The following PGBD4 variants were observed in gnomAD, a reference collection of about 807,000 sequenced individuals.
The protein encoded by PGBD4 is piggyBac transposable element-derived protein 4.
PGBD4 carries 1 observed loss-of-function variant against 0.3 expected under a neutral mutation model. That is an observed-to-expected ratio of 3.72 (90% CI 1.32 to 17.64). PGBD4 has a LOEUF of 17.64. Ranked by LOEUF, PGBD4 falls within the 30% of genes most tolerant of loss-of-function variation. PGBD4 has a pLI of 0.11. For missense variants in PGBD4, 624 were observed against 719.7 expected (o/e 0.87, Z 1.52); for synonymous variants, 253 against 267.7 (o/e 0.95, Z 0.54).
At position 34,102,165 on chromosome 15, in the gene PGBD4, T is replaced by G. The variant is rs1597407917; in HGVS notation, c.-367T>G. On this transcript the variant is annotated 5_prime_UTR_variant, in exon 1 of 1. It removes the in-frame stop codon of an upstream open reading frame in the 5' UTR. Transcript: ENST00000397766. The surrounding 1 kb of genome is among the most constrained non-coding windows in gnomAD (Gnocchi z 4.7). ...ACGGAGGCCAAGGACCTCACGGGAG[T>G]AAAAGATGACGAGACTGGCTTCGGG... is the stretch of plus-strand genomic sequence containing the variant. 1 of 461,242 alleles carries G rather than the reference T, an allele frequency of 2.2e-6. No individual in the cohort carries two copies. The highest frequency in any genetic ancestry group is 3.8e-6 in the Non-Finnish European group (1 of 262,292). The allele number at this position is 461,242 out of a possible 1,614,324, so 28.6% of individuals were successfully genotyped here. A position where few individuals can be genotyped will look rare whatever the true frequency, so the allele number is the denominator to read the frequency against.
At position 34,108,515 on chromosome 15, in the gene PGBD4, C is replaced by T. The variant is rs141942299; in HGVS notation, c.*4226C>T. The stretch of plus-strand genomic sequence containing the variant: ...GAGCAGAAGTAAGCATTGTTGAAAC[C>T]GTAGTAAAAAGATTATTTGAGAAAT... On this transcript the variant is annotated 3_prime_UTR_variant, in exon 1 of 1. Coordinates refer to ENST00000397766, the MANE Select transcript of PGBD4 (RefSeq NM_152595.5). 3.0e-4 allele frequency: 46 copies of T among 151,992 alleles called. No individual in the cohort carries two copies. Among genetic ancestry groups the T allele is most frequent in the African/African-American group, 9.9e-4 (41 of 41,366 alleles). The allele number at this position is 151,992 out of a possible 1,614,324, so 9.4% of individuals were successfully genotyped here. A position where few individuals can be genotyped will look rare whatever the true frequency, so the allele number is the denominator to read the frequency against.
rs755121127 is a variant in PGBD4 at position 34,104,114 on chromosome 15, T to C, written c.1583T>C (p.Ile528Thr). ...TCTGGAAGACATTTCCCCAAGAGCA[T>C]ACCAGCAACGTCCGGGAAACAGAAT... ...RLSGRHFPKSIPATSGKQNPT... is the reference protein window; with the variant it reads ...RLSGRHFPKSTPATSGKQNPT... Residue 528 changes from isoleucine to threonine, a missense_variant, in exon 1 of 1, where the codon ATA (isoleucine) becomes ACA (threonine). Coordinates refer to ENST00000397766, the MANE Select transcript of PGBD4 (RefSeq NM_152595.5). 9 of 1,614,076 alleles carry C rather than the reference T, an allele frequency of 5.6e-6. No homozygotes were observed. The highest frequency in any genetic ancestry group is 5.3e-5 in the African/African-American group (4 of 74,924).
rs1887792344 is a variant in PGBD4 at position 34,108,386 on chromosome 15, GAAGGATA to G, written c.*4100_*4106del. 1 of 152,332 alleles carries G rather than the reference GAAGGATA, an allele frequency of 6.6e-6. No individual in the cohort carries two copies. The highest frequency in any genetic ancestry group is 2.4e-5 in the African/African-American group (1 of 41,574). The allele number at this position is 152,332 out of a possible 1,614,324, so 9.4% of individuals were successfully genotyped here. A position where few individuals can be genotyped will look rare whatever the true frequency, so the allele number is the denominator to read the frequency against. ...GTGTTCAGCCAAGGATAGTTATCAT[GAAGGATA>G]AAAGCCTCAAAATCCTGATTTTGAA... is the stretch of plus-strand genomic sequence containing the variant. On this transcript the variant is annotated 3_prime_UTR_variant, in exon 1 of 1. Transcript: ENST00000397766.
At position 34,104,197 on chromosome 15, in the gene PGBD4, C is replaced by A; in HGVS notation, c.1666C>A (p.Arg556=). ...ATACGACAAGGATGGCAAGAAGATC[C>A]GGAAAGAAACGCGCTATTTTTGTGC... ...SQYDKDGKKI[R]KETRYFCAEC... Residue 556 remains arginine, a synonymous_variant, in exon 1 of 1, where the codon CGG becomes AGG. Transcript: ENST00000397766. 1.9e-6 allele frequency: 3 copies of A among 1,614,128 alleles called. No homozygotes were observed. The highest frequency in any genetic ancestry group is 2.5e-6 in the Non-Finnish European group (3 of 1,180,030).
chr15:34,102,180 C>T lies in PGBD4; in HGVS notation c.-352C>T. ...CTCACGGGAGTAAAAGATGACGAGACTGGCTTCGGGAGAAACACCATCCAG... is the reference window on the plus strand; with the variant it reads ...CTCACGGGAGTAAAAGATGACGAGATTGGCTTCGGGAGAAACACCATCCAG... On this transcript the variant is annotated 5_prime_UTR_variant, in exon 1 of 1. Coordinates refer to ENST00000397766, the MANE Select transcript of PGBD4 (RefSeq NM_152595.5). The surrounding 1 kb of genome is among the most constrained non-coding windows in gnomAD (Gnocchi z 4.7). The T allele has an allele frequency of 2.2e-6, 1 of 454,038 alleles. No homozygotes were observed. The allele number at this position is 454,038 out of a possible 1,614,324, so 28.1% of individuals were successfully genotyped here.
rs1340202805 is a variant in PGBD4, at chr15:34,103,071, G to T, written c.540G>T (p.Arg180Ser). 3 of 1,613,798 alleles carry T rather than the reference G, an allele frequency of 1.9e-6. No individual in the cohort carries two copies. The East Asian group carries it at 6.7e-5, about 36-fold the overall frequency. ...KPELEMFWST[R>S]PLLDTPYLRQ... ...AGCTGGAGATGTTTTGGTCAACAAG[G>T]CCTCTTTTGGATACACCTTATCTCA... Residue 180 changes from arginine (R) to serine (S), a missense_variant, in exon 1 of 1, where the codon AGG becomes AGT. Physicochemically the swap from Arg to Ser is moderately radical, Grantham distance 110. Coordinates refer to ENST00000397766, the MANE Select transcript of PGBD4 (RefSeq NM_152595.5). This position sits in a 1 kb window ranked among gnomAD's most constrained non-coding sequence, Gnocchi z 4.6.
At position 34,103,919 on chromosome 15, in the gene PGBD4, C is replaced by T. The variant is rs758586238; in HGVS notation, c.1388C>T (p.Thr463Ile). 10 of 1,614,092 alleles carry T rather than the reference C, an allele frequency of 6.2e-6. No individual in the cohort carries two copies. Among genetic ancestry groups the T allele is most frequent in the Non-Finnish European group, 8.5e-6 (10 of 1,180,030 alleles). ...KKFFHHLLHITVLNSYILFKK... is the reference protein window; with the variant it reads ...KKFFHHLLHIIVLNSYILFKK... The stretch of plus-strand genomic sequence containing the variant: ...TTCTTTCACCATCTTCTACACATTA[C>T]AGTGCTGAACTCCTACATCCTGTTC... The change falls in exon 1 of 1, where the codon ACA becomes ATA. Residue 463 changes from threonine to isoleucine, a missense_variant. Thr to Ile is a moderately conservative substitution (Grantham distance 89). Transcript: ENST00000397766. This position sits in a 1 kb window ranked among gnomAD's most constrained non-coding sequence, Gnocchi z 4.6.
rs1374222712 is a variant in PGBD4 at position 34,103,412 on chromosome 15, A to C, written c.881A>C (p.His294Pro). The C allele has an allele frequency of 1.9e-6, 3 of 1,614,218 alleles. No individual in the cohort carries two copies. The highest frequency in any genetic ancestry group is 2.5e-6 in the Non-Finnish European group (3 of 1,180,046). ...GGTTATGTGTGGAATGCGCTTGTTC[A>C]CACAGGGCCTGGCATGAATTTGAAA... Reference protein sequence around the residue: ...QSGYVWNALVHTGPGMNLKDS... With the variant: ...QSGYVWNALVPTGPGMNLKDS... The change falls in exon 1 of 1, where the codon CAC becomes CCC. Residue 294 changes from histidine (H) to proline (P), a missense_variant. Physicochemically the swap from His to Pro is moderately conservative, Grantham distance 77. Transcript: ENST00000397766. This position sits in a 1 kb window ranked among gnomAD's most constrained non-coding sequence, Gnocchi z 4.6.
Position 34,103,329 on chromosome 15 carries a change from C to T in PGBD4, c.798C>T (p.Leu266=). ...FKGPLAMKQY[L]PTKRVRFGLK... is the part of the protein sequence containing the mutation. ...GGCCATTAGCTATGAAGCAGTACCT[C>T]CCGACAAAACGAGTACGATTTGGTC... The change falls in exon 1 of 1, where the codon CTC becomes CTT. Residue 266 remains leucine (L), a synonymous_variant. Transcript: ENST00000397766. The surrounding 1 kb of genome is among the most constrained non-coding windows in gnomAD (Gnocchi z 4.6). 1 of 1,614,188 alleles carries T rather than the reference C, an allele frequency of 6.2e-7. No individual in the cohort carries two copies. The highest frequency in any genetic ancestry group is 2.2e-5 in the East Asian group (1 of 44,882).
rs1027925398 is a variant in PGBD4 at position 34,108,523 on chromosome 15, A to G, written c.*4234A>G. 1 of 152,210 alleles carries G rather than the reference A, an allele frequency of 6.6e-6. No individual in the cohort carries two copies. The highest frequency in any genetic ancestry group is 2.4e-5 in the African/African-American group (1 of 41,448). 9.4% of individuals were successfully genotyped at this position (152,210 alleles called of 1,614,324 possible). On this transcript the variant is annotated 3_prime_UTR_variant, in exon 1 of 1. Coordinates refer to ENST00000397766, the MANE Select transcript of PGBD4 (RefSeq NM_152595.5). ...GTAAGCATTGTTGAAACCGTAGTAAAAAGATTATTTGAGAAATAATGGAAT... is the reference window on the plus strand; with the variant it reads ...GTAAGCATTGTTGAAACCGTAGTAAGAAGATTATTTGAGAAATAATGGAAT...
At position 34,108,036 on chromosome 15, in the gene PGBD4, C is replaced by T. The variant is rs1240537163; in HGVS notation, c.*3747C>T. The T allele has an allele frequency of 1.3e-5, 2 of 152,314 alleles. No individual in the cohort carries two copies. Among genetic ancestry groups the T allele is most frequent in the African/African-American group, 2.4e-5 (1 of 41,416 alleles). 9.4% of individuals were successfully genotyped at this position (152,314 alleles called of 1,614,324 possible). ...GGAGTGCAGTGGCACGATATTGGCT[C>T]ACTGCAACCTCTGTCTCCCAGGCTC... On this transcript the variant is annotated 3_prime_UTR_variant, in exon 1 of 1. Coordinates refer to ENST00000397766, the MANE Select transcript of PGBD4 (RefSeq NM_152595.5).
At position 34,102,781 on chromosome 15, in the gene PGBD4, CA is replaced by C; in HGVS notation, c.253del (p.Arg85GlyfsTer32). The stretch of plus-strand genomic sequence containing the variant: ...GTCAGCTCGTGCTATGATTCCACGT[CA>C]AAGGTATGACTTTACCGGCACACCT... The part of the protein sequence containing the change: ...KWSARAMIPR[Q>X]RYDFTGTPGR... On this transcript the variant is annotated frameshift_variant, in exon 1 of 1. Transcript: ENST00000397766. LOFTEE classifies it low-confidence loss of function (END_TRUNC). This position sits in a 1 kb window ranked among gnomAD's most constrained non-coding sequence, Gnocchi z 4.7. 6.2e-7 allele frequency: 1 copy of C among 1,614,160 alleles called. No homozygotes were observed. Among genetic ancestry groups the C allele is most frequent in the Non-Finnish European group, 8.5e-7 (1 of 1,180,030 alleles).
At position 34,102,432 on chromosome 15, in the gene PGBD4, A is replaced by G. The variant is rs1597407988; in HGVS notation, c.-100A>G. ...TCTGTTATTTTCGCATGGTTCTGGTATATTGACTTTTGAAACAAAAGACAT... is the reference window on the plus strand; with the variant it reads ...TCTGTTATTTTCGCATGGTTCTGGTGTATTGACTTTTGAAACAAAAGACAT... On this transcript the variant is annotated 5_prime_UTR_variant, in exon 1 of 1. Transcript: ENST00000397766. The surrounding 1 kb of genome is among the most constrained non-coding windows in gnomAD (Gnocchi z 4.7). 1.4e-6 allele frequency: 2 copies of G among 1,426,694 alleles called. No individual in the cohort carries two copies. The highest frequency in any genetic ancestry group is 1.5e-5 in the South Asian group (1 of 65,586). 88.4% of individuals were successfully genotyped at this position (1,426,694 alleles called of 1,614,324 possible).
rs753531056 is a variant in PGBD4 at position 34,103,950 on chromosome 15, G to A, written c.1419G>A (p.Lys473=). The change falls in exon 1 of 1, where the codon AAG becomes AAA. Residue 473 remains lysine, a synonymous_variant. Coordinates refer to ENST00000397766, the MANE Select transcript of PGBD4 (RefSeq NM_152595.5). This position sits in a 1 kb window ranked among gnomAD's most constrained non-coding sequence, Gnocchi z 4.6. The stretch of plus-strand genomic sequence containing the variant: ...TGAACTCCTACATCCTGTTCAAGAA[G>A]GATAATCCTGAGCACACGATGAGCC... ...TVLNSYILFK[K]DNPEHTMSHI... 51 of 1,614,044 alleles carry A rather than the reference G, an allele frequency of 3.2e-5. No individual in the cohort carries two copies. In the East Asian group the frequency reaches 1.0e-3, roughly 33 times the overall value.
chr15:34,103,947 G>GA lies in PGBD4; in HGVS notation c.1418dup (p.Asp474GlyfsTer2). On this transcript the variant is annotated frameshift_variant, in exon 1 of 1. Transcript: ENST00000397766. LOFTEE classifies it low-confidence loss of function (END_TRUNC). The surrounding 1 kb of genome is among the most constrained non-coding windows in gnomAD (Gnocchi z 4.6). ...TGCTGAACTCCTACATCCTGTTCAA[G>GA]AAGGATAATCCTGAGCACACGATGA... The GA allele has an allele frequency of 6.2e-7, 1 of 1,614,104 alleles. No homozygotes were observed. The highest frequency in any genetic ancestry group is 8.5e-7 in the Non-Finnish European group (1 of 1,180,036).
In PGBD4 at chr15:34,102,857, A is replaced by T. The variant is rs752567144; in HGVS notation, c.326A>T (p.Glu109Val). 1 of 1,614,056 alleles carries T rather than the reference A, an allele frequency of 6.2e-7. No individual in the cohort carries two copies. The highest frequency in any genetic ancestry group is 1.3e-5 in the African/African-American group (1 of 74,920). Residue 109 changes from glutamate (E) to valine (V), a missense_variant, in exon 1 of 1, where the codon GAA becomes GTA. Coordinates refer to ENST00000397766, the MANE Select transcript of PGBD4 (RefSeq NM_152595.5). The surrounding 1 kb of genome is among the most constrained non-coding windows in gnomAD (Gnocchi z 4.7). ...SDITDPLQYF[E>V]LFFTEELVSK... ...ATCACTGACCCATTGCAGTATTTTG[A>T]ACTGTTCTTTACTGAGGAATTAGTT...
At position 34,104,460 on chromosome 15, in the gene PGBD4, G is replaced by A. The variant is rs549791588; in HGVS notation, c.*171G>A. 5.3e-5 allele frequency: 38 copies of A among 718,026 alleles called. 1 individual carries two copies. In the South Asian group the frequency reaches 7.4e-4, roughly 14 times the overall value. 44.5% of individuals were successfully genotyped at this position (718,026 alleles called of 1,614,324 possible). A position where few individuals can be genotyped will look rare whatever the true frequency, so the allele number is the denominator to read the frequency against. On this transcript the variant is annotated 3_prime_UTR_variant, in exon 1 of 1. Transcript: ENST00000397766. ...TCTACTAAAAATACAACAATTAGCT[G>A]GATGTGGTGGCACATGCCTGTAATC... is the stretch of plus-strand genomic sequence containing the variant.
In PGBD4 at chr15:34,105,203, G is replaced by A. The variant is rs1887744066; in HGVS notation, c.*914G>A. ...GATGCTACACTATTCTTCCTGTTGT[G>A]ATTGTTTTACTGTGAACATAACAAG... On this transcript the variant is annotated 3_prime_UTR_variant, in exon 1 of 1. Transcript: ENST00000397766. 1 of 167,128 alleles carries A rather than the reference G, an allele frequency of 6.0e-6. No individual in the cohort carries two copies. The highest frequency in any genetic ancestry group is 6.5e-5 in the Admixed American group (1 of 15,292). The allele number at this position is 167,128 out of a possible 1,614,324, so 10.4% of individuals were successfully genotyped here.
rs537774277 is a variant in PGBD4, at chr15:34,105,528, A to G, written c.*1239A>G. The G allele has an allele frequency of 2.4e-5, 4 of 167,246 alleles. No individual in the cohort carries two copies. Among genetic ancestry groups the G allele is most frequent in the African/African-American group, 9.6e-5 (4 of 41,582 alleles). The allele number at this position is 167,246 out of a possible 1,614,324, so 10.4% of individuals were successfully genotyped here. ...CTCAGCCCTGGCAGGGGATGGGGAC[A>G]TGATGCCCAGAGCCACCCCTATACT... On this transcript the variant is annotated 3_prime_UTR_variant, in exon 1 of 1. Transcript: ENST00000397766.
Sources: gnomAD v4.1 joint callset for allele counts on GRCh38, gnomAD v4.1.1 for gene constraint, Gnocchi (gnomAD v3.1) non-coding constraint, MANE v1.5 for transcripts, NCBI Gene and HGNC (gene_info 2026-07-23, HGNC 2026-07-21) for gene names.